TAFA4: variants seen among roughly 807,000 people sequenced by gnomAD.
The protein encoded by TAFA4 is TAFA chemokine like family member 4.
TAFA4 carries 20 observed loss-of-function variants against 21.1 expected under a neutral mutation model. The observed-to-expected ratio is 0.95, with a 90% CI of 0.67 to 1.38. TAFA4 has a LOEUF of 1.38. Among genes scored for constraint, TAFA4 ranks in the 40% most tolerant of loss-of-function variants. The pLI, the probability that TAFA4 is intolerant of heterozygous loss-of-function variation, is 0.00. For missense variants in TAFA4, 211 were observed against 180.9 expected (o/e 1.17, Z -0.95); for synonymous variants, 71 against 67.4 (o/e 1.05, Z -0.26).
intron 3 of TAFA4, among the ~76,000 whole-genome samples, chr3:68,809,176 A>C (rs1331975727): frequency 6.6e-6 from 1 of 152,242 alleles, no homozygotes; most frequent in Non-Finnish European, 1.5e-5. Flanking sequence ...TGCAAGTTTC[A>C]TGGTTAGCAA....
intron 1 of TAFA4, among the ~76,000 whole-genome samples, chr3:68,919,283 G>C (rs186449106): frequency 2.0e-4 from 31 of 152,284 alleles, no homozygotes; most frequent in Admixed American, 1.9e-3. Context: ...GGCAGCCCCC[G>C]TCAGGACAGA....
intron 5 of TAFA4, 135 bp downstream of exon 5, chr3:68,738,940 A>G (rs899726686): frequency 9.4e-6 from 12 of 1,278,734 alleles, no homozygotes; most frequent in Non-Finnish European, 1.3e-5. Context: ...AAAAAGGCCA[A>G]ATCCGTAAGG....
intron 3 of TAFA4, among the ~76,000 whole-genome samples, chr3:68,817,540 C>G (rs918640716): frequency 6.6e-6 from 1 of 152,098 alleles, no homozygotes; most frequent in Non-Finnish European, 1.5e-5. Context: ...TTGGCTAGAT[C>G]CATCAGAGAA....
chr3:68,810,107 A>T (rs1335188397), intron 3 of TAFA4, among the ~76,000 whole-genome samples: 1 of 152,162 alleles, frequency 6.6e-6, no homozygotes, highest in Admixed American at 6.5e-5. Flanking sequence ...CTACCTCTAT[A>T]AAAAATGTGA....
chr3:68,741,013 T>C (rs1034316192), intron 4 of TAFA4, among the ~76,000 whole-genome samples: 6 of 152,234 alleles, frequency 3.9e-5, no homozygotes, highest in Admixed American at 2.0e-4. Context: ...CATGTCTATT[T>C]ATTTTTATGC....
At chr3:68,760,852 T>A (rs192838062) in intron 3 of TAFA4, among the ~76,000 whole-genome samples, 1 of 152,170 alleles carries the variant, frequency 6.6e-6, no homozygotes, top group African/African-American at 2.4e-5. Context: ...TAGTAGCCAT[T>A]TGATGGACAA....
intron 3 of TAFA4, among the ~76,000 whole-genome samples, chr3:68,788,412 C>T (rs1468098315): frequency 6.6e-6 from 1 of 152,170 alleles, no homozygotes; most frequent in Non-Finnish European, 1.5e-5. Flanking sequence ...TCGGAGAGGT[C>T]ATTTCTGACT....
At chr3:68,737,066 A>G (rs1394255) in intron 5 of TAFA4, among the ~76,000 whole-genome samples, 100,778 of 152,054 alleles carry the variant, frequency 0.66, 33,982 homozygotes, top group East Asian at 0.98. Context: ...CATAAATAGA[A>G]AGCCGTTCTA....
chr3:68,738,199 G>A (rs1324644255), intron 5 of TAFA4, among the ~76,000 whole-genome samples: 1 of 152,164 alleles, frequency 6.6e-6, no homozygotes, highest in African/African-American at 2.4e-5. Flanking sequence ...TCTATGAAGA[G>A]GGAACAGCCC....
intron 3 of TAFA4, among the ~76,000 whole-genome samples, chr3:68,756,965 A>C (rs1225537546): frequency 6.6e-6 from 1 of 152,286 alleles, no homozygotes; most frequent in South Asian, 2.1e-4. Context: ...CAAATCAGCA[A>C]CTTTCAGTCA....
intron 4 of TAFA4, among the ~76,000 whole-genome samples, chr3:68,742,212 C>T (rs1023026080): frequency 1.3e-5 from 2 of 152,126 alleles, no homozygotes; most frequent in Non-Finnish European, 2.9e-5. Context: ...AAGGAATGTA[C>T]TTCAACATTA....
chr3:68,828,530 G>GT (rs1704306845), intron 3 of TAFA4, among the ~76,000 whole-genome samples: 1 of 152,146 alleles, frequency 6.6e-6, no homozygotes, highest in Admixed American at 6.5e-5. Flanking sequence ...TCTTCCATTT[G>GT]TTTGGGTCCT....
At chr3:68,815,664 A>G (rs1167187911) in intron 3 of TAFA4, among the ~76,000 whole-genome samples, 1 of 152,214 alleles carries the variant, frequency 6.6e-6, no homozygotes, top group Non-Finnish European at 1.5e-5. Flanking sequence ...TCAGGAAACA[A>G]CAGGTGCTGG....
intron 4 of TAFA4, among the ~76,000 whole-genome samples, chr3:68,746,095 C>G (rs1375876869): frequency 6.6e-6 from 1 of 152,162 alleles, no homozygotes; most frequent in Admixed American, 6.5e-5. Context: ...AAACATTAGA[C>G]TCCAAGTTCT....
At chr3:68,748,674 G>A (rs1162086844) in intron 4 of TAFA4, among the ~76,000 whole-genome samples, 1 of 151,718 alleles carries the variant, frequency 6.6e-6, no homozygotes, top group East Asian at 1.9e-4. Flanking sequence ...AACCCGGGAG[G>A]CAGAGGTTGC....
intron 3 of TAFA4, among the ~76,000 whole-genome samples, chr3:68,771,099 T>C (rs1322090780): frequency 6.6e-6 from 1 of 151,880 alleles, no homozygotes; most frequent in Non-Finnish European, 1.5e-5. Flanking sequence ...AAAATCACCT[T>C]CTCACTCCAT....
chr3:68,742,161 C>T (rs776088080), intron 4 of TAFA4, among the ~76,000 whole-genome samples: 2 of 152,084 alleles, frequency 1.3e-5, no homozygotes, highest in Non-Finnish European at 2.9e-5. Context: ...ATTCAACATC[C>T]CTTTATGATA....
intron 4 of TAFA4, among the ~76,000 whole-genome samples, chr3:68,740,237 A>G (rs1702324986): frequency 6.6e-6 from 1 of 152,028 alleles, no homozygotes; most frequent in South Asian, 2.1e-4. Flanking sequence ...GTCTCAGAAA[A>G]TGTCAGCTGT....
chr3:68,774,589 C>T (rs955909523), intron 3 of TAFA4, among the ~76,000 whole-genome samples: 1 of 152,140 alleles, frequency 6.6e-6, no homozygotes, highest in Non-Finnish European at 1.5e-5. Flanking sequence ...GAGCAAAGAT[C>T]AATTAATCAA....
Sources: gnomAD v4.1 joint callset for allele counts (sites outside exome capture counted in the v4.1 genomes callset) on GRCh38, gnomAD v4.1.1 for gene constraint, MANE v1.5 for transcripts, NCBI Gene and HGNC (gene_info 2026-07-23, HGNC 2026-07-21) for gene names.